SGCZ: variants seen among roughly 807,000 people sequenced by gnomAD.
The protein encoded by SGCZ is sarcoglycan zeta, also known as zeta-sarcoglycan.
Under a neutral mutation model 41.3 loss-of-function variants are expected in SGCZ, and 40 were observed. That is an observed-to-expected ratio of 0.97 (90% CI 0.75 to 1.26). The LOEUF (loss-of-function observed/expected upper bound fraction) is 1.26, where lower values mean the gene tolerates loss of function less well. Ranked by LOEUF, SGCZ falls within the 50% of genes most tolerant of loss-of-function variation. SGCZ has a pLI of 0.00. For synonymous variants in SGCZ, 206 were observed against 137.5 expected, an observed-to-expected ratio of 1.50 and a Z score of -3.49; for missense variants, 552 against 369.8, an observed-to-expected ratio of 1.49 and a Z score of -4.04.
chr8:14,603,490 C>T (rs567230001), intron 1 of SGCZ, among the ~76,000 whole-genome samples: 21 of 150,730 alleles, frequency 1.4e-4, no homozygotes, highest in African/African-American at 4.1e-4. Flanking sequence ...GCTTAGGTAC[C>T]GAAAGATGTA....
chr8:14,873,856 T>A (rs915345885), intron 1 of SGCZ, among the ~76,000 whole-genome samples: 1 of 152,194 alleles, frequency 6.6e-6, no homozygotes, highest in Admixed American at 6.6e-5. Context: ...TTTAGAAGAT[T>A]GATTTCTCTA....
chr8:14,428,224 C>G (rs969676854), intron 2 of SGCZ, among the ~76,000 whole-genome samples: 4 of 151,330 alleles, frequency 2.6e-5, no homozygotes, highest in Non-Finnish European at 5.9e-5. Flanking sequence ...ATTATATATA[C>G]TATTCATATG....
chr8:14,177,405 A>T (rs192914376), intron 4 of SGCZ, among the ~76,000 whole-genome samples: 6 of 152,328 alleles, frequency 3.9e-5, no homozygotes, highest in Admixed American at 3.9e-4. Flanking sequence ...AATTTAACTG[A>T]TGAGCAAGTT....
intron 7 of SGCZ, among the ~76,000 whole-genome samples, chr8:14,093,189 C>T (rs1449329247): frequency 6.6e-6 from 1 of 152,066 alleles, no homozygotes. Context: ...TGCTTTCTCT[C>T]TCTTTGCCCT....
chr8:14,406,139 A>C (rs6530768), intron 2 of SGCZ, among the ~76,000 whole-genome samples: 1 of 151,908 alleles, frequency 6.6e-6, no homozygotes, highest in African/African-American at 2.4e-5. Flanking sequence ...CTTTTTGAAC[A>C]TATCAAGCTT....
Position 14,449,508 on chromosome 8 carries a change from A to T in SGCZ, c.234+105224T>A, listed in dbSNP as rs533334072. Among the ~76,000 whole-genome samples the T allele has an allele frequency of 9.2e-5, 14 of 152,218 alleles. No individual in the cohort carries two copies. The East Asian group carries it at 2.7e-3, about 29-fold the overall frequency. On this transcript the variant is annotated intron_variant, in intron 2 of 7. Transcript: ENST00000382080. ...CACTTAATGACATAATCATGTTCCAATGTGTCCTCAGAATTACTATTCCTA... is the reference window on the plus strand; with the variant it reads ...CACTTAATGACATAATCATGTTCCATTGTGTCCTCAGAATTACTATTCCTA...
intron 1 of SGCZ, among the ~76,000 whole-genome samples, chr8:14,718,085 T>C (rs1451746243): frequency 6.6e-6 from 1 of 151,660 alleles, no homozygotes; most frequent in Non-Finnish European, 1.5e-5. Flanking sequence ...AATCACTTTA[T>C]AGAAATGAAT....
At chr8:14,201,243 T>G (rs1273286712) in intron 4 of SGCZ, among the ~76,000 whole-genome samples, 1 of 152,138 alleles carries the variant, frequency 6.6e-6, no homozygotes, top group African/African-American at 2.4e-5. Flanking sequence ...CCTACACTTA[T>G]CATACAACGT....
intron 4 of SGCZ, among the ~76,000 whole-genome samples, chr8:14,184,230 G>C (rs978118204): frequency 1.3e-5 from 2 of 152,086 alleles, no homozygotes; most frequent in African/African-American, 2.4e-5. Context: ...GTTTTACATG[G>C]GCAAATGTGT....
chr8:14,998,717 G>C lies in SGCZ; in HGVS notation c.39+238868C>G, dbSNP rs754491356. 2.0e-5 allele frequency among the ~76,000 whole-genome samples: 3 copies of C among 152,328 alleles called. No homozygotes were observed. In the East Asian group the frequency reaches 5.8e-4, roughly 29 times the overall value. On this transcript the variant is annotated intron_variant, in intron 1 of 7. Transcript: ENST00000382080. ...TCTTATCAGAGTTTGGTCCTGTATAGAGTTGCAATGCTTGCATAAAACAGG... is the reference window on the plus strand; with the variant it reads ...TCTTATCAGAGTTTGGTCCTGTATACAGTTGCAATGCTTGCATAAAACAGG...
At chr8:14,702,420 A>C (rs1318497439) in intron 1 of SGCZ, among the ~76,000 whole-genome samples, 1 of 151,946 alleles carries the variant, frequency 6.6e-6, no homozygotes, top group Non-Finnish European at 1.5e-5. Flanking sequence ...ACTATAGTGT[A>C]TAGATTATAT....
chr8:14,168,037 A>T (rs1328456636), intron 4 of SGCZ, among the ~76,000 whole-genome samples: 2 of 152,200 alleles, frequency 1.3e-5, no homozygotes. Context: ...AAATGGATAT[A>T]GCTGCTTGTT....
chr8:14,271,756 C>T (rs188420011), intron 3 of SGCZ, among the ~76,000 whole-genome samples: 1 of 152,146 alleles, frequency 6.6e-6, no homozygotes, highest in African/African-American at 2.4e-5. Flanking sequence ...CTTCTAAAAC[C>T]TCAGCTGTCC....
chr8:15,184,719 C>G (rs184799394), intron 1 of SGCZ, among the ~76,000 whole-genome samples: 30 of 152,232 alleles, frequency 2.0e-4, no homozygotes, highest in Non-Finnish European at 3.5e-4. Flanking sequence ...CGGGTCGAGT[C>G]TAAGATTTTA....
At chr8:14,108,554 T>C (rs1802279343) in intron 5 of SGCZ, among the ~76,000 whole-genome samples, 1 of 152,012 alleles carries the variant, frequency 6.6e-6, no homozygotes, top group Admixed American at 6.6e-5. Context: ...TACCATCAGA[T>C]CTCGTGAGAC....
intron 1 of SGCZ, among the ~76,000 whole-genome samples, chr8:15,195,721 C>T (rs946195216): frequency 3.3e-5 from 5 of 152,050 alleles, no homozygotes; most frequent in Non-Finnish European, 2.9e-5. Flanking sequence ...GTATAATACT[C>T]GGTCTTACGA....
chr8:14,599,302 G>A (rs1327427449), intron 1 of SGCZ, among the ~76,000 whole-genome samples: 1 of 152,100 alleles, frequency 6.6e-6, no homozygotes, highest in Non-Finnish European at 1.5e-5. Context: ...TCAGTACCTT[G>A]TATACATTTT....
At chr8:14,421,576 C>A (rs1799638123) in intron 2 of SGCZ, among the ~76,000 whole-genome samples, 1 of 152,034 alleles carries the variant, frequency 6.6e-6, no homozygotes, top group African/African-American at 2.4e-5. Flanking sequence ...ACACAATCAA[C>A]CTATGGTGGA....
chr8:14,601,107 A>G (rs1805576587), intron 1 of SGCZ, among the ~76,000 whole-genome samples: 1 of 151,348 alleles, frequency 6.6e-6, no homozygotes, highest in African/African-American at 2.4e-5. Context: ...ATCATACTGT[A>G]TATATCCCTT....
Sources: gnomAD v4.1 joint callset for allele counts (sites outside exome capture counted in the v4.1 genomes callset) on GRCh38, gnomAD v4.1.1 for gene constraint, MANE v1.5 for transcripts, NCBI Gene and HGNC (gene_info 2026-07-23, HGNC 2026-07-21) for gene names.